SIRPD: variants seen among roughly 807,000 people sequenced by gnomAD.
SIRPD encodes signal-regulatory protein delta.
A neutral mutation model predicts 18.0 loss-of-function variants in SIRPD; 21 were observed. That is an observed-to-expected ratio of 1.17 (90% CI 0.83 to 1.68). The LOEUF is 1.68. SIRPD is among the 40% of genes most tolerant of loss of function. SIRPD has a pLI of 0.00. For synonymous variants in SIRPD, 106 were observed against 92.9 expected, an observed-to-expected ratio of 1.14 and a Z score of -0.81; for missense variants, 295 against 238.4, an observed-to-expected ratio of 1.24 and a Z score of -1.56.
At chr20:1,535,921 C>T (rs2090943286) in intron 3 of SIRPD, among the ~76,000 whole-genome samples, 1 of 152,186 alleles carries the variant, frequency 6.6e-6, no homozygotes, top group African/African-American at 2.4e-5. Context: ...AATGGGCTTT[C>T]CATTCTTAAC....
chr20:1,542,199 G>A (rs926453594), intron 2 of SIRPD, among the ~76,000 whole-genome samples: 7 of 152,106 alleles, frequency 4.6e-5, no homozygotes, highest in African/African-American at 1.7e-4. Flanking sequence ...TAGCTCGATG[G>A]GAATAGCATT....
chr20:1,548,392 G>A (rs1395840952), intron 2 of SIRPD, among the ~76,000 whole-genome samples: 1 of 151,544 alleles, frequency 6.6e-6, no homozygotes, highest in Non-Finnish European at 1.5e-5. Flanking sequence ...TTATTTTATT[G>A]ATATTGTGTT....
intron 2 of SIRPD, among the ~76,000 whole-genome samples, chr20:1,545,175 G>A (rs1306287856): frequency 6.6e-6 from 1 of 152,062 alleles, no homozygotes; most frequent in Non-Finnish European, 1.5e-5. Flanking sequence ...TTCTAAGTTG[G>A]GGAAGTTCTC....
intron 2 of SIRPD, among the ~76,000 whole-genome samples, chr20:1,545,552 G>T (rs2090989901): frequency 6.6e-6 from 1 of 152,100 alleles, no homozygotes. Flanking sequence ...TCTTGCATTG[G>T]GTTAGAACAT....
intron 2 of SIRPD, among the ~76,000 whole-genome samples, chr20:1,548,991 A>C (rs2091006541): frequency 6.6e-6 from 1 of 152,082 alleles, no homozygotes. Flanking sequence ...ATGATGGCTT[A>C]CATTTCTCTG....
intron 2 of SIRPD, among the ~76,000 whole-genome samples, chr20:1,542,631 T>A (rs1311003451): frequency 6.6e-6 from 1 of 152,188 alleles, no homozygotes; most frequent in Non-Finnish European, 1.5e-5. Context: ...ACCCTTTATT[T>A]CTTTCTCTTG....
At chr20:1,544,650 T>G (rs542135608) in intron 2 of SIRPD, among the ~76,000 whole-genome samples, 9 of 152,320 alleles carry the variant, frequency 5.9e-5, no homozygotes, top group African/African-American at 1.9e-4. Flanking sequence ...GTGAATTCGA[T>G]CCTGTCATTA....
intron 2 of SIRPD, among the ~76,000 whole-genome samples, chr20:1,547,028 CAA>C (rs1420147535): frequency 2.0e-5 from 3 of 152,048 alleles, no homozygotes; most frequent in African/African-American, 7.2e-5. Flanking sequence ...TTATGAAGTC[CAA>C]TATATCTATT....
intron 3 of SIRPD, 102 bp downstream of exon 3, chr20:1,537,053 C>A: frequency 7.1e-7 from 1 of 1,401,370 alleles, no homozygotes; most frequent in Non-Finnish European, 9.8e-7. Context: ...GGCCCTAGGA[C>A]AACAGAGATT....
intron 2 of SIRPD, among the ~76,000 whole-genome samples, chr20:1,539,620 A>G (rs976600271): frequency 9.8e-5 from 15 of 152,350 alleles, no homozygotes; most frequent in African/African-American, 3.6e-4. Context: ...CCCACTATGT[A>G]ATCCCTTCCT....
Position 1,534,290 on chromosome 20 carries a change from G to C in SIRPD, c.*135C>G. The C allele has an allele frequency of 8.4e-7, 1 of 1,191,824 alleles. No homozygotes were observed. Among genetic ancestry groups the C allele is most frequent in the Non-Finnish European group, 1.2e-6 (1 of 824,580 alleles). The allele number at this position is 1,191,824 out of a possible 1,614,324, so 73.8% of individuals were successfully genotyped here. On this transcript the variant is annotated 3_prime_UTR_variant, in exon 4 of 4. Transcript: ENST00000381623. ...ATAGACAGATTTATTGTACGATCAA[G>C]CTGGCATTTTATGTCAGTGGAAGAA...
intron 2 of SIRPD, among the ~76,000 whole-genome samples, chr20:1,537,538 G>A (rs2090952599): frequency 6.6e-6 from 1 of 152,216 alleles, no homozygotes. Context: ...TGTGTCAGGT[G>A]TGCTGGTGAC....
intron 1 of SIRPD, among the ~76,000 whole-genome samples, chr20:1,556,792 G>A (rs551995573): frequency 1.3e-5 from 2 of 152,332 alleles, no homozygotes; most frequent in African/African-American, 4.8e-5. Flanking sequence ...ACAGTCCTCA[G>A]AAAGAACCAA....
rs919528192 is a variant in SIRPD, at chr20:1,540,115, A to C, written c.422-2805T>G. Reference sequence around the variant, plus strand: ...AGAATCTGGTAGCTTAATTGTGAGAAGGCAATGTGAAAATGGAACACAGAG... The same window carrying C: ...AGAATCTGGTAGCTTAATTGTGAGACGGCAATGTGAAAATGGAACACAGAG... On this transcript the variant is annotated intron_variant, in intron 2 of 3. Coordinates refer to ENST00000381623, the MANE Select transcript of SIRPD (RefSeq NM_178460.3). The C allele has an allele frequency of 3.7e-5, 12 of 326,734 alleles. No homozygotes were observed. In the Admixed American group the frequency reaches 4.7e-4, roughly 13 times the overall value. 20.2% of individuals were successfully genotyped at this position (326,734 alleles called of 1,614,324 possible). A position where few individuals can be genotyped will look rare whatever the true frequency, so the allele number is the denominator to read the frequency against.
intron 1 of SIRPD, among the ~76,000 whole-genome samples, chr20:1,552,833 G>A (rs910191239): frequency 3.9e-5 from 6 of 152,132 alleles, no homozygotes; most frequent in Non-Finnish European, 8.8e-5. Flanking sequence ...GTAATGGTAG[G>A]AAGGCAGCCT....
rs2091027848 is a variant in SIRPD at position 1,553,481 on chromosome 20, A to G, written c.74-1443T>C. Among the ~76,000 whole-genome samples the G allele has an allele frequency of 2.0e-5, 3 of 152,288 alleles. 1 individual carries two copies. The South Asian group carries it at 6.2e-4, about 32-fold the overall frequency. Reference sequence around the variant, plus strand: ...CTATGTTGAGATTCCATCAGAAGCTAAGATGTGGCTACTAGCATCTGTGAC... The same window carrying G: ...CTATGTTGAGATTCCATCAGAAGCTGAGATGTGGCTACTAGCATCTGTGAC... On this transcript the variant is annotated intron_variant, in intron 1 of 3. Coordinates refer to ENST00000381623, the MANE Select transcript of SIRPD (RefSeq NM_178460.3).
chr20:1,545,598 C>T lies in SIRPD; in HGVS notation c.421+6093G>A, dbSNP rs371317056. 1.8e-4 allele frequency among the ~76,000 whole-genome samples: 28 copies of T among 152,344 alleles called. No homozygotes were observed. The South Asian group carries it at 5.6e-3, about 30-fold the overall frequency. ...CATGGAGGAGTTTGTTATTACCCGC[C>T]ATCTGAAGCCTACTTCTGTCAATTC... On this transcript the variant is annotated intron_variant, in intron 2 of 3. Coordinates refer to ENST00000381623, the MANE Select transcript of SIRPD (RefSeq NM_178460.3).
chr20:1,553,025 A>T (rs982860616), intron 1 of SIRPD, among the ~76,000 whole-genome samples: 12 of 152,200 alleles, frequency 7.9e-5, no homozygotes, highest in Non-Finnish European at 1.5e-4. Flanking sequence ...AGGAGAAGGA[A>T]ATACTGGTTA....
At chr20:1,539,602 G>A (rs1440330830) in intron 2 of SIRPD, among the ~76,000 whole-genome samples, 1 of 152,164 alleles carries the variant, frequency 6.6e-6, no homozygotes, top group Non-Finnish European at 1.5e-5. Flanking sequence ...CCAGCTCCTG[G>A]CATTCACCCC....
Sources: gnomAD v4.1 joint callset for allele counts (sites outside exome capture counted in the v4.1 genomes callset) on GRCh38, gnomAD v4.1.1 for gene constraint, MANE v1.5 for transcripts, NCBI Gene and HGNC (gene_info 2026-07-23, HGNC 2026-07-21) for gene names.